The following SCN1A variants were observed in gnomAD, a reference collection of about 807,000 sequenced individuals.
SCN1A encodes the protein sodium voltage-gated channel alpha subunit 1.
SCN1A carries 13 observed loss-of-function variants against 193.7 expected under a neutral mutation model. The ratio of observed to expected loss-of-function variants is 0.07; its 90% confidence interval spans 0.04 to 0.11. The LOEUF is 0.11. Ranked by LOEUF, SCN1A falls within the 10% of genes least tolerant of loss-of-function variation. The pLI is 1.00. For missense variants in SCN1A, 1,432 were observed against 2,451.1 expected, an observed-to-expected ratio of 0.58 and a Z score of 8.78; for synonymous variants, 781 against 843.6, an observed-to-expected ratio of 0.93 and a Z score of 1.29.
intron 4 of SCN1A, among the ~76,000 whole-genome samples, chr2:166,069,839 C>A (rs1361502309): frequency 6.6e-6 from 1 of 152,172 alleles, no homozygotes; most frequent in Non-Finnish European, 1.5e-5. Context: ...CCAGTATCAG[C>A]ATTAGTGGAA....
chr2:166,125,180 T>G (rs531697878), intron 2 of SCN1A, among the ~76,000 whole-genome samples: 8 of 152,198 alleles, frequency 5.3e-5, no homozygotes, highest in Admixed American at 1.3e-4. Context: ...AAGGAAGTGA[T>G]AACCTCACGG....
chr2:166,075,303 C>T (rs1044134376), intron 3 of SCN1A: 1 of 151,938 alleles, frequency 6.6e-6, no homozygotes, highest in African/African-American at 2.4e-5. Flanking sequence ...GTTCCCCTTC[C>T]TAGAGGCAAC....
chr2:166,052,397 A>G (rs1476580625), intron 8 of SCN1A, among the ~76,000 whole-genome samples: 1 of 151,990 alleles, frequency 6.6e-6, no homozygotes, highest in Non-Finnish European at 1.5e-5. Context: ...TTGCTGTACA[A>G]CCGAAAATGG....
intron 3 of SCN1A, 107 bp downstream of exon 3, chr2:166,077,603 C>T (rs1295357909): frequency 6.6e-6 from 1 of 151,986 alleles, no homozygotes; most frequent in Non-Finnish European, 1.5e-5. Context: ...TAGAAGCTCA[C>T]ATTCATTGCT....
chr2:166,120,831 G>T (rs1207294515), intron 2 of SCN1A, among the ~76,000 whole-genome samples: 1 of 151,470 alleles, frequency 6.6e-6, no homozygotes, highest in African/African-American at 2.4e-5. Flanking sequence ...GGCCAGGCTG[G>T]TCCCAAACTC....
At chr2:166,011,037 G>A (rs997696459) in intron 22 of SCN1A, among the ~76,000 whole-genome samples, 3 of 151,094 alleles carry the variant, frequency 2.0e-5, no homozygotes, top group African/African-American at 4.8e-5. Flanking sequence ...GAAACATAAT[G>A]TAACTTCTAA....
At chr2:165,999,025 G>A (rs559498188) in intron 25 of SCN1A, 24 of 151,540 alleles carry the variant, frequency 1.6e-4, no homozygotes, top group African/African-American at 5.3e-4. Context: ...GAAAGATGAA[G>A]GTTGATAGAA....
At chr2:166,124,579 G>A (rs1257674284) in intron 2 of SCN1A, among the ~76,000 whole-genome samples, 1 of 151,886 alleles carries the variant, frequency 6.6e-6, no homozygotes, top group African/African-American at 2.4e-5. Flanking sequence ...CAAACAAATG[G>A]AGTGGATTTG....
chr2:165,989,595 C>T lies in SCN1A; in HGVS notation c.*1650G>A, dbSNP rs1447214176. On this transcript the variant is annotated 3_prime_UTR_variant, in exon 29 of 29. Transcript: ENST00000674923. The stretch of plus-strand genomic sequence containing the variant: ...ATATGAATCGTGAACCTATTTTGCT[C>T]CTTAAAATTGTGAAATAATCTAAAA... 6.6e-6 allele frequency: 1 copy of T among 152,336 alleles called. No individual in the cohort carries two copies. Among genetic ancestry groups the T allele is most frequent in the African/African-American group, 2.4e-5 (1 of 41,418 alleles). 9.4% of individuals were successfully genotyped at this position (152,336 alleles called of 1,614,324 possible).
At chr2:166,025,709 A>C (rs1237299701) in intron 19 of SCN1A, among the ~76,000 whole-genome samples, 2 of 152,160 alleles carry the variant, frequency 1.3e-5, no homozygotes, top group Admixed American at 6.5e-5. Flanking sequence ...ATAACCTGTT[A>C]TACCAATATT....
At chr2:166,018,076 C>T (rs2105653589) in intron 19 of SCN1A, among the ~76,000 whole-genome samples, 1 of 152,064 alleles carries the variant, frequency 6.6e-6, no homozygotes, top group Middle Eastern at 3.4e-3. Context: ...TGAACATGTA[C>T]ATAAAAATTG....
At chr2:166,100,482 G>A (rs1207487741) in intron 2 of SCN1A, among the ~76,000 whole-genome samples, 4 of 151,722 alleles carry the variant, frequency 2.6e-5, no homozygotes, top group Non-Finnish European at 5.9e-5. Context: ...AACACCAAAA[G>A]CAATGGCAAC....
chr2:165,997,674 T>C (rs528441203), intron 26 of SCN1A, among the ~76,000 whole-genome samples: 77 of 151,418 alleles, frequency 5.1e-4, no homozygotes, highest in African/African-American at 1.8e-3. Flanking sequence ...AAAATATATT[T>C]TCAAGGGGGA....
At chr2:166,146,463 A>T (rs1692327060) in intron 1 of SCN1A, among the ~76,000 whole-genome samples, 1 of 152,188 alleles carries the variant, frequency 6.6e-6, no homozygotes, top group African/African-American at 2.4e-5. Flanking sequence ...AATGAGGAGG[A>T]GGTCAGTTTT....
intron 2 of SCN1A, among the ~76,000 whole-genome samples, chr2:166,103,931 T>C (rs1476846328): frequency 6.6e-6 from 1 of 152,226 alleles, no homozygotes; most frequent in African/African-American, 2.4e-5. Context: ...GAGCAGTGTA[T>C]AGCTAGAGCT....
intron 2 of SCN1A, among the ~76,000 whole-genome samples, chr2:166,122,950 AGACTTTT>A (rs1690770411): frequency 6.6e-6 from 1 of 152,188 alleles, no homozygotes. Context: ...GATAAGGCAA[AGACTTTT>A]GACCATTTAC....
intron 2 of SCN1A, among the ~76,000 whole-genome samples, chr2:166,089,461 T>C (rs756354791): frequency 4.6e-5 from 7 of 151,960 alleles, no homozygotes; most frequent in African/African-American, 1.7e-4. Context: ...AGTACATGAG[T>C]CGTTTATGCA....
intron 4 of SCN1A, 83 bp from the exon 5 acceptor site, chr2:166,058,771 T>C: frequency 1.2e-6 from 1 of 817,180 alleles, no homozygotes. Context: ...CTTGTCATAA[T>C]AAATTATTGT....
intron 4 of SCN1A, 77 bp downstream of exon 4, chr2:166,073,281 C>A: frequency 6.5e-7 from 1 of 1,542,098 alleles, no homozygotes; most frequent in Non-Finnish European, 8.9e-7. Context: ...GCTAATTTGG[C>A]ATGTGTTGGT....
Sources: allele counts gnomAD v4.1 joint callset (sites outside exome capture counted in the v4.1 genomes callset), GRCh38; gene constraint gnomAD v4.1.1; transcripts MANE v1.5; gene names NCBI Gene and HGNC (gene_info 2026-07-23, HGNC 2026-07-21).